The following NEGR1 variants were observed in gnomAD, a reference collection of about 807,000 sequenced individuals.
NEGR1 encodes the protein IgLON family member 4.
In NEGR1, 10 loss-of-function variants were observed where a neutral mutation model predicts 40.9. The ratio of observed to expected loss-of-function variants is 0.24; its 90% CI spans 0.15 to 0.42. NEGR1 has a LOEUF of 0.42. Ranked by LOEUF, NEGR1 falls within the 10% of genes least tolerant of loss-of-function variation. The pLI is 1.00. For missense variants in NEGR1, 352 were observed against 438.9 expected, an observed-to-expected ratio of 0.80 and a Z score of 1.77; for synonymous variants, 185 against 166.8, an observed-to-expected ratio of 1.11 and a Z score of -0.84.
chr1:72,102,622 G>A (rs1047593920), intron 1 of NEGR1, among the ~76,000 whole-genome samples: 1 of 151,992 alleles, frequency 6.6e-6, no homozygotes, highest in East Asian at 1.9e-4. Flanking sequence ...TAAGGTTTTT[G>A]CTATCTGCAT....
intron 1 of NEGR1, among the ~76,000 whole-genome samples, chr1:71,994,590 T>A (rs1185747953): frequency 6.6e-6 from 1 of 151,004 alleles, no homozygotes; most frequent in African/African-American, 2.4e-5. Context: ...ATCCCAAATA[T>A]CTTATATATT....
chr1:72,164,474 T>C lies in NEGR1; in HGVS notation c.176+117845A>G, dbSNP rs141594572. Among the ~76,000 whole-genome samples, 1,079 of 152,148 alleles carry C rather than the reference T, an allele frequency of 7.1e-3. 10 individuals are homozygous for C. Among genetic ancestry groups the C allele is most frequent in the African/African-American group, 0.024 (1,010 of 41,568 alleles). ...TTTAATATTCCCCAAATTTTCACTT[T>C]ATGCTGTGTATCTGCACTTCAAATA... On this transcript the variant is annotated intron_variant, in intron 1 of 6. Coordinates refer to ENST00000357731, the MANE Select transcript of NEGR1 (RefSeq NM_173808.3).
At chr1:71,608,759 A>C (rs1251453664) in intron 5 of NEGR1, among the ~76,000 whole-genome samples, 1 of 152,190 alleles carries the variant, frequency 6.6e-6, no homozygotes, top group Non-Finnish European at 1.5e-5. Flanking sequence ...TGATGTCCTA[A>C]TTTAGAGAAG....
chr1:71,928,464 ACT>A lies in NEGR1; in HGVS notation c.409+6613_409+6614del, dbSNP rs754323793. On this transcript the variant is annotated intron_variant, in intron 2 of 6. Transcript: ENST00000357731. ...CATATATATGTATATATACACACAT[ACT>A]TATATATACACATATATATGTATAT... Among the ~76,000 whole-genome samples the A allele has an allele frequency of 7.1e-3, 664 of 93,250 alleles. 24 individuals are homozygous for A. The highest frequency in any genetic ancestry group is 0.025 in the African/African-American group (603 of 23,848). 61.2% of individuals were successfully genotyped at this position (93,250 alleles called of 152,430 possible).
intron 1 of NEGR1, among the ~76,000 whole-genome samples, chr1:72,279,724 A>G (rs1373572112): frequency 6.6e-6 from 1 of 152,228 alleles, no homozygotes; most frequent in Non-Finnish European, 1.5e-5. Flanking sequence ...CCTATACTCA[A>G]TTAGTCCTTA....
rs904175093 is a variant in NEGR1, at chr1:71,402,583, A to G, written c.*4863T>C. On this transcript the variant is annotated 3_prime_UTR_variant, in exon 7 of 7. Transcript: ENST00000357731. ...TGAAATACTTTTGAGTAAGTTTGGA[A>G]TTACTAGAAAAACAGTGAATGTAAA... 1 of 152,172 alleles carries G rather than the reference A, an allele frequency of 6.6e-6. No homozygotes were observed. The highest frequency in any genetic ancestry group is 2.1e-4 in the South Asian group (1 of 4,836). The allele number at this position is 152,172 out of a possible 1,614,324, so 9.4% of individuals were successfully genotyped here.
At chr1:71,773,978 T>C (rs1656416781) in intron 3 of NEGR1, among the ~76,000 whole-genome samples, 1 of 152,204 alleles carries the variant, frequency 6.6e-6, no homozygotes, top group Non-Finnish European at 1.5e-5. Flanking sequence ...TTAAATTATA[T>C]GAAGATAGAG....
chr1:71,625,220 T>G (rs936138397), intron 4 of NEGR1, among the ~76,000 whole-genome samples: 1 of 151,894 alleles, frequency 6.6e-6, no homozygotes, highest in Non-Finnish European at 1.5e-5. Flanking sequence ...GCATTTATAT[T>G]GCTTTCACAT....
chr1:72,238,237 T>C (rs1654623393), intron 1 of NEGR1, among the ~76,000 whole-genome samples: 1 of 151,830 alleles, frequency 6.6e-6, no homozygotes, highest in Admixed American at 6.6e-5. Flanking sequence ...GTGATGAGTG[T>C]TAACAATACC....
chr1:71,934,903 C>T (rs753860190), intron 2 of NEGR1, among the ~76,000 whole-genome samples, 176 bp downstream of exon 2: 2 of 152,012 alleles, frequency 1.3e-5, no homozygotes, highest in Non-Finnish European at 2.9e-5. Context: ...CTCTTAATGA[C>T]TTTCTGATGT....
intron 1 of NEGR1, among the ~76,000 whole-genome samples, chr1:72,269,057 A>G (rs188068497): frequency 6.6e-6 from 1 of 151,710 alleles, no homozygotes; most frequent in East Asian, 1.9e-4. Context: ...TTCTTAAATT[A>G]TGTGCTATTG....
At chr1:72,114,657 C>T (rs889619826) in intron 1 of NEGR1, among the ~76,000 whole-genome samples, 3 of 151,722 alleles carry the variant, frequency 2.0e-5, no homozygotes, top group Non-Finnish European at 4.4e-5. Flanking sequence ...AGATGCTTTG[C>T]TTGGAAGAAG....
In NEGR1 at chr1:72,282,315, C is replaced by T. The variant is rs1425479759; in HGVS notation, c.176+4G>A. ...AAGTACGAAAAGCACGCCGTTCTTCCTACCTAAGCACCGCCGTGTCCCCTT... is the reference window on the plus strand; with the variant it reads ...AAGTACGAAAAGCACGCCGTTCTTCTTACCTAAGCACCGCCGTGTCCCCTT... On this transcript the variant is annotated splice_donor_region_variant and intron_variant, in intron 1 of 6. Transcript: ENST00000357731. 11 of 1,613,592 alleles carry T rather than the reference C, an allele frequency of 6.8e-6. No individual in the cohort carries two copies. In the Middle Eastern group the frequency reaches 1.3e-3, roughly 194 times the overall value.
At chr1:71,898,206 C>T (rs1388164757) in intron 2 of NEGR1, among the ~76,000 whole-genome samples, 1 of 152,178 alleles carries the variant, frequency 6.6e-6, no homozygotes, top group Non-Finnish European at 1.5e-5. Flanking sequence ...ATTGAGGAAG[C>T]TAATACATTC....
At chr1:71,688,894 T>C (rs1033612859) in intron 4 of NEGR1, among the ~76,000 whole-genome samples, 1 of 152,142 alleles carries the variant, frequency 6.6e-6, no homozygotes, top group Non-Finnish European at 1.5e-5. Context: ...TATAATTGTC[T>C]CCAGTTTTTT....
intron 1 of NEGR1, among the ~76,000 whole-genome samples, chr1:72,027,922 C>A (rs1397584101): frequency 1.3e-5 from 2 of 152,202 alleles, no homozygotes; most frequent in Non-Finnish European, 2.9e-5. Context: ...GATCTGTATG[C>A]ACATTAAGCT....
At chr1:71,943,394 A>C (rs902562459) in intron 1 of NEGR1, among the ~76,000 whole-genome samples, 5 of 151,322 alleles carry the variant, frequency 3.3e-5, no homozygotes, top group Admixed American at 2.0e-4. Flanking sequence ...AAATCATTCA[A>C]ATTTGGTTAT....
At chr1:71,988,783 A>T (rs11805353) in intron 1 of NEGR1, among the ~76,000 whole-genome samples, 1 of 151,572 alleles carries the variant, frequency 6.6e-6, no homozygotes, top group Non-Finnish European at 1.5e-5. Context: ...GAGAACAAAC[A>T]CCTGCCACAG....
chr1:71,645,989 G>T (rs887832035), intron 4 of NEGR1, among the ~76,000 whole-genome samples: 1 of 151,558 alleles, frequency 6.6e-6, no homozygotes, highest in African/African-American at 2.4e-5. Context: ...TCCTTCTATT[G>T]CCCCCTTACC....
Sources: gnomAD v4.1 joint callset for allele counts (sites outside exome capture counted in the v4.1 genomes callset) on GRCh38, gnomAD v4.1.1 for gene constraint, MANE v1.5 for transcripts, NCBI Gene and HGNC (gene_info 2026-07-23, HGNC 2026-07-21) for gene names.